Variants in ABCC1 observed in about 807,000 individuals in gnomAD.
ABCC1 encodes the protein multidrug resistance-associated protein 1.
ABCC1 carries 83 observed loss-of-function variants against 172.9 expected under a neutral mutation model. That is an observed-to-expected ratio of 0.48 (90% CI 0.40 to 0.58). The LOEUF (loss-of-function observed/expected upper bound fraction) is 0.58. Among genes scored for constraint, ABCC1 ranks in the 20% least tolerant of loss-of-function variants. The probability of loss-of-function intolerance (pLI) is 0.00; values close to 1 mark genes in which losing one functional copy is unlikely to be tolerated. For missense variants in ABCC1, 1,817 were observed against 2,002.7 expected (o/e 0.91, Z 1.77); for synonymous variants, 937 against 825.2 (o/e 1.14, Z -2.32).
intron 19 of ABCC1, 141 bp from the exon 20 acceptor site, chr16:16,102,486 G>A (rs2051806305): frequency 1.4e-6 from 1 of 720,226 alleles, no homozygotes; most frequent in Non-Finnish European, 2.4e-6. Flanking sequence ...GGCCTCTGCA[G>A]AGCAGGTCTC....
chr16:16,079,501 G>A (rs748605972), intron 16 of ABCC1, 23 bp downstream of exon 16: 3 of 1,593,996 alleles, frequency 1.9e-6, no homozygotes, highest in Non-Finnish European at 2.6e-6. Context: ...CCAGCGGGGA[G>A]GGGCAGTGGG....
At position 16,068,220 on chromosome 16, in the gene ABCC1, C is replaced by G. The variant is rs767073045; in HGVS notation, c.1742C>G (p.Thr581Arg). ...IDENNILDAQ[T>R]AFVSLALFNI... ...GAGAACAACATCCTGGATGCCCAGA[C>G]AGCCTTCGTGTCTTTGGCCTTGTTC... Residue 581 changes from threonine (T) to arginine (R), a missense_variant, in exon 13 of 31, where the codon ACA becomes AGA. This residue lies in a region of ABCC1 where 1,412 missense variants were observed against 1,600.3 expected (regional missense o/e 0.88). Coordinates refer to ENST00000399410, the MANE Select transcript of ABCC1 (RefSeq NM_004996.4). The G allele has an allele frequency of 6.2e-7, 1 of 1,614,084 alleles. No homozygotes were observed. Among genetic ancestry groups the G allele is most frequent in the Admixed American group, 1.7e-5 (1 of 60,006 alleles).
intron 1 of ABCC1, among the ~76,000 whole-genome samples, chr16:16,006,425 G>GA (rs11441920): frequency 0.6 from 89,627 of 149,142 alleles, 27,222 homozygotes; most frequent in Non-Finnish European, 0.68. Flanking sequence ...TTCAAAAAAA[G>GA]AAAAAAAAAA....
chr16:16,095,775 C>T (rs2051448790), intron 19 of ABCC1, among the ~76,000 whole-genome samples: 1 of 152,154 alleles, frequency 6.6e-6, no homozygotes, highest in Non-Finnish European at 1.5e-5. Context: ...ATCCTCCCAC[C>T]TTGACCTCCC....
At chr16:16,014,228 C>T (rs886227500) in intron 3 of ABCC1, among the ~76,000 whole-genome samples, 14 of 152,120 alleles carry the variant, frequency 9.2e-5, no homozygotes, top group Admixed American at 9.2e-4. Flanking sequence ...AGTGGATCAC[C>T]TGAGGTCAGG....
At chr16:16,102,756 C>T (rs1312989495) in intron 20 of ABCC1, 39 bp downstream of exon 20, 1 of 1,539,320 alleles carries the variant, frequency 6.5e-7, no homozygotes, top group South Asian at 1.2e-5. Context: ...AAGGACCCTG[C>T]CCTGCCAGTG....
intron 22 of ABCC1, among the ~76,000 whole-genome samples, chr16:16,113,760 A>T (rs1211714671): frequency 6.6e-6 from 1 of 152,256 alleles, no homozygotes; most frequent in African/African-American, 2.4e-5. Context: ...GTTCTAAAAC[A>T]GCGATCCCTA....
At chr16:16,024,795 C>T (rs747154138) in intron 5 of ABCC1, among the ~76,000 whole-genome samples, 6 of 152,038 alleles carry the variant, frequency 3.9e-5, no homozygotes, top group Non-Finnish European at 7.4e-5. Flanking sequence ...GGGGTGAGGT[C>T]GGTGGCACTT....
intron 18 of ABCC1, among the ~76,000 whole-genome samples, chr16:16,089,553 G>GAA (rs374814319): frequency 7.8e-6 from 1 of 128,490 alleles, no homozygotes; most frequent in Admixed American, 7.9e-5. Flanking sequence ...ATCTCAAAAA[G>GAA]AAAAAAAAAA....
At chr16:16,045,497 C>T (rs1299669049) in intron 8 of ABCC1, among the ~76,000 whole-genome samples, 1 of 151,910 alleles carries the variant, frequency 6.6e-6, no homozygotes, top group Non-Finnish European at 1.5e-5. Context: ...ACCTGGCTCT[C>T]TGCTGCTCTG....
At chr16:15,997,239 T>C (rs1181983861) in intron 1 of ABCC1, among the ~76,000 whole-genome samples, 4 of 152,060 alleles carry the variant, frequency 2.6e-5, no homozygotes, top group Non-Finnish European at 5.9e-5. Flanking sequence ...CTCAGGCCTG[T>C]GCCACCACGC....
chr16:15,987,741 T>C (rs908657295), intron 1 of ABCC1, among the ~76,000 whole-genome samples: 3 of 152,362 alleles, frequency 2.0e-5, no homozygotes, highest in Middle Eastern at 6.8e-3. Flanking sequence ...CGGTGGCCTG[T>C]GCGTCCCGCA....
At chr16:15,985,904 A>G (rs549859188) in intron 1 of ABCC1, among the ~76,000 whole-genome samples, 135 of 152,084 alleles carry the variant, frequency 8.9e-4, no homozygotes, top group African/African-American at 2.9e-3. Context: ...CAGCATCAAG[A>G]GGCCACCTGT....
chr16:16,032,402 G>C (rs1187439070), intron 5 of ABCC1, among the ~76,000 whole-genome samples: 1 of 152,158 alleles, frequency 6.6e-6, no homozygotes, highest in Non-Finnish European at 1.5e-5. Context: ...AGAGAATCTT[G>C]GCAGGTATTA....
chr16:15,950,507 C>T (rs1031094782), intron 1 of ABCC1, among the ~76,000 whole-genome samples: 10 of 152,102 alleles, frequency 6.6e-5, no homozygotes, highest in Non-Finnish European at 1.3e-4. Flanking sequence ...CCTCCCTTCC[C>T]TGCAACACGT....
intron 1 of ABCC1, among the ~76,000 whole-genome samples, chr16:15,972,946 C>A (rs562815731): frequency 6.6e-6 from 1 of 151,804 alleles, no homozygotes; most frequent in South Asian, 2.1e-4. Context: ...CTACCACATG[C>A]ACCACCATAC....
At position 16,134,436 on chromosome 16, in the gene ABCC1, C is replaced by G. The variant is rs371450704; in HGVS notation, c.4053C>G (p.Ile1351Met). Reference sequence around the variant, plus strand: ...TCAACGAGTCTGCCGAAGGAGAGATCATCATCGATGGCATCAACATCGCCA... The same window carrying G: ...TCAACGAGTCTGCCGAAGGAGAGATGATCATCGATGGCATCAACATCGCCA... ...FRINESAEGE[I>M]IIDGINIAKI... The change falls in exon 28 of 31, where the codon ATC becomes ATG. Residue 1351 changes from isoleucine to methionine, a missense_variant. Ile to Met is a conservative substitution (Grantham distance 10, BLOSUM62 1). Around this residue, in one of 3 missense-constraint regions of ABCC1, gnomAD observed 1,412 missense variants for 1,600.3 expected, o/e 0.88. Coordinates refer to ENST00000399410, the MANE Select transcript of ABCC1 (RefSeq NM_004996.4). 2 of 1,614,164 alleles carry G rather than the reference C, an allele frequency of 1.2e-6. No individual in the cohort carries two copies. The highest frequency in any genetic ancestry group is 1.7e-6 in the Non-Finnish European group (2 of 1,180,034).
At chr16:16,098,981 G>A (rs980765595) in intron 19 of ABCC1, 25 of 1,232,344 alleles carry the variant, frequency 2.0e-5, no homozygotes, top group Non-Finnish European at 2.7e-5. Flanking sequence ...CTGCATGTCT[G>A]GGGAGGTGCC....
In ABCC1 at chr16:16,141,520, C is replaced by T; in HGVS notation, c.*239C>T. 2 of 513,310 alleles carry T rather than the reference C, an allele frequency of 3.9e-6. No individual in the cohort carries two copies. Among genetic ancestry groups the T allele is most frequent in the South Asian group, 5.3e-5 (2 of 37,850 alleles). The allele number at this position is 513,310 out of a possible 1,614,324, so 31.8% of individuals were successfully genotyped here. On this transcript the variant is annotated 3_prime_UTR_variant, in exon 31 of 31. Coordinates refer to ENST00000399410, the MANE Select transcript of ABCC1 (RefSeq NM_004996.4). ...ACCACCCAAAACACGCACACCCTGC[C>T]CCTGGTGCCCTGAGACAGACACACA... is the stretch of plus-strand genomic sequence containing the variant.
Sources: gnomAD v4.1 joint callset for allele counts (sites outside exome capture counted in the v4.1 genomes callset) on GRCh38, gnomAD v4.1.1 for gene constraint, gnomAD v4.1.1 regional missense constraint, MANE v1.5 for transcripts, NCBI Gene and HGNC (gene_info 2026-07-23, HGNC 2026-07-21) for gene names.